Variants in RALGPS1 observed in about 807,000 individuals in gnomAD.
RALGPS1 encodes the protein ras-specific guanine nucleotide-releasing factor RalGPS1.
Under a neutral mutation model 78.8 loss-of-function variants are expected in RALGPS1, and 19 were observed. The ratio of observed to expected loss-of-function variants is 0.24; its 90% CI spans 0.17 to 0.35. The LOEUF (loss-of-function observed/expected upper bound fraction) is 0.35, where lower values mean the gene tolerates loss of function less well. Among genes scored for constraint, RALGPS1 ranks in the 10% least tolerant of loss-of-function variants. The pLI, the probability that RALGPS1 is intolerant of heterozygous loss-of-function variation, is 1.00. For synonymous variants in RALGPS1, 228 were observed against 256.3 expected (o/e 0.89, Z 1.06); for missense variants, 454 against 688.3 (o/e 0.66, Z 3.81).
At chr9:127,193,251 A>C (rs2061173056) in intron 11 of RALGPS1, among the ~76,000 whole-genome samples, 1 of 152,192 alleles carries the variant, frequency 6.6e-6, no homozygotes, top group Non-Finnish European at 1.5e-5. Flanking sequence ...TGGCTGTGAG[A>C]GAGATCCCAC....
chr9:127,113,299 A>G (rs2055039762), intron 8 of RALGPS1, among the ~76,000 whole-genome samples: 1 of 152,114 alleles, frequency 6.6e-6, no homozygotes, highest in African/African-American at 2.4e-5. Flanking sequence ...TCAACCTGAT[A>G]CCAAGGGCCA....
intron 4 of RALGPS1, among the ~76,000 whole-genome samples, chr9:126,999,153 AACTT>A (rs1282768713): frequency 1.3e-5 from 2 of 149,390 alleles, no homozygotes; most frequent in Non-Finnish European, 1.5e-5. Flanking sequence ...TGTACCCTAA[AACTT>A]AAAGTATAAT....
At chr9:127,104,595 C>T (rs1257379294) in intron 8 of RALGPS1, among the ~76,000 whole-genome samples, 1 of 152,260 alleles carries the variant, frequency 6.6e-6, no homozygotes, top group African/African-American at 2.4e-5. Context: ...CCAGGAGCTG[C>T]CTGTGCCTCC....
Position 127,108,244 on chromosome 9 carries a change from A to G in RALGPS1, c.610+38888A>G, listed in dbSNP as rs1245957002. 3 of 1,614,064 alleles carry G rather than the reference A, an allele frequency of 1.9e-6. No homozygotes were observed. In the Admixed American group the frequency reaches 5.0e-5, roughly 27 times the overall value. ...CTGCAGCATGTCGGCTGTCTGGTTC[A>G]GGATCCTGTTCTCCAGCTGGGAGAG... On this transcript the variant is annotated intron_variant, in intron 8 of 18. Transcript: ENST00000259351.
chr9:126,995,237 A>C (rs1230152990), intron 4 of RALGPS1, among the ~76,000 whole-genome samples: 1 of 152,204 alleles, frequency 6.6e-6, no homozygotes, highest in Non-Finnish European at 1.5e-5. Flanking sequence ...CAGACTGGCA[A>C]ATTGGATAAA....
chr9:127,002,446 T>TC (rs1250987172), intron 4 of RALGPS1, among the ~76,000 whole-genome samples: 21 of 136,866 alleles, frequency 1.5e-4, no homozygotes, highest in East Asian at 8.3e-4. Context: ...TTTTTTTTTT[T>TC]TCTTTTTTTT....
In RALGPS1 at chr9:126,984,896, C is replaced by T. The variant is rs143652196; in HGVS notation, c.216+7151C>T. On this transcript the variant is annotated intron_variant, in intron 4 of 18. Coordinates refer to ENST00000259351, the MANE Select transcript of RALGPS1 (RefSeq NM_014636.3). The stretch of plus-strand genomic sequence containing the variant: ...TCTGGGTGAAGACTGCTTAGTATTA[C>T]TGGGTTGCCATTGCTTTTAGGCCTT... Among the ~76,000 whole-genome samples, 1,077 of 152,318 alleles carry T rather than the reference C, an allele frequency of 7.1e-3. 7 individuals carry two copies. Among genetic ancestry groups the T allele is most frequent in the Middle Eastern group, 0.02 (6 of 294 alleles).
intron 7 of RALGPS1, among the ~76,000 whole-genome samples, chr9:127,055,273 C>G (rs111477417): frequency 5.9e-5 from 9 of 152,184 alleles, no homozygotes; most frequent in African/African-American, 2.2e-4. Context: ...AGCTGGAGTG[C>G]AGTGGCCTGA....
intron 1 of RALGPS1, among the ~76,000 whole-genome samples, chr9:126,954,962 T>C (rs2038205797): frequency 6.6e-6 from 1 of 152,218 alleles, no homozygotes; most frequent in East Asian, 1.9e-4. Context: ...TCTCCCTCCA[T>C]GATAAACCTG....
chr9:126,949,812 G>A (rs1279463105), intron 1 of RALGPS1, among the ~76,000 whole-genome samples: 2 of 151,616 alleles, frequency 1.3e-5, no homozygotes, highest in African/African-American at 2.4e-5. Context: ...AAGCTCTTTA[G>A]TTTAATTAGA....
chr9:127,157,164 A>C (rs2058747398), intron 8 of RALGPS1, among the ~76,000 whole-genome samples: 1 of 152,014 alleles, frequency 6.6e-6, no homozygotes, highest in Admixed American at 6.5e-5. Flanking sequence ...AAAAATGTTT[A>C]TTTTCATACA....
At chr9:127,060,161 G>A (rs1424482075) in intron 7 of RALGPS1, among the ~76,000 whole-genome samples, 5 of 152,144 alleles carry the variant, frequency 3.3e-5, no homozygotes, top group Non-Finnish European at 7.3e-5. Context: ...TCAGCTACCC[G>A]TAGAAATCAG....
intron 8 of RALGPS1, among the ~76,000 whole-genome samples, chr9:127,098,556 C>T (rs1002705346): frequency 1.3e-5 from 2 of 152,160 alleles, no homozygotes; most frequent in African/African-American, 4.8e-5. Context: ...GTCAGGAGGC[C>T]TCCAGAGGAG....
At chr9:127,192,981 C>A (rs2061155136) in intron 11 of RALGPS1, among the ~76,000 whole-genome samples, 1 of 152,166 alleles carries the variant, frequency 6.6e-6, no homozygotes, top group Non-Finnish European at 1.5e-5. Flanking sequence ...GTGGATGTGT[C>A]ATTAGGTACA....
chr9:126,989,267 C>G lies in RALGPS1; in HGVS notation c.216+11522C>G, dbSNP rs114034693. 7.6e-3 allele frequency among the ~76,000 whole-genome samples: 1,157 copies of G among 152,168 alleles called. 13 individuals carry two copies. Among genetic ancestry groups the G allele is most frequent in the African/African-American group, 0.027 (1,102 of 41,474 alleles). On this transcript the variant is annotated intron_variant, in intron 4 of 18. Transcript: ENST00000259351. The stretch of plus-strand genomic sequence containing the variant: ...GTGCTTGAAGGTGTGATGGCAGTGC[C>G]TTTGTGAAGCACAGAAGAGGTTGAG...
intron 4 of RALGPS1, among the ~76,000 whole-genome samples, chr9:127,006,307 G>C (rs975485769): frequency 1.6e-4 from 25 of 152,142 alleles, no homozygotes; most frequent in African/African-American, 5.6e-4. Context: ...AGGGACTTAA[G>C]AAAAAAGAAG....
chr9:127,034,376 G>T, intron 4 of RALGPS1, 55 bp from the exon 5 acceptor site: 1 of 1,470,676 alleles, frequency 6.8e-7, no homozygotes, highest in Non-Finnish European at 9.5e-7. Context: ...AATGCCCCTG[G>T]TGTATTTTGC....
intron 8 of RALGPS1, among the ~76,000 whole-genome samples, chr9:127,095,955 T>G (rs557551510): frequency 1.3e-5 from 2 of 152,294 alleles, no homozygotes; most frequent in East Asian, 3.9e-4. Context: ...TAAGAAAGAT[T>G]GGTTTGGGTG....
At chr9:126,918,401 G>A (rs1037387616) in intron 1 of RALGPS1, among the ~76,000 whole-genome samples, 1 of 152,150 alleles carries the variant, frequency 6.6e-6, no homozygotes, top group Non-Finnish European at 1.5e-5. Flanking sequence ...CAGTGGCACA[G>A]TCACGGCTCA....
Sources: allele counts gnomAD v4.1 joint callset (sites outside exome capture counted in the v4.1 genomes callset), GRCh38; gene constraint gnomAD v4.1.1; transcripts MANE v1.5; gene names NCBI Gene and HGNC (gene_info 2026-07-23, HGNC 2026-07-21).